Variants in UST observed in about 807,000 individuals in gnomAD.
UST encodes uronyl 2-sulfotransferase, also known as chondroitin sulfate 2-O-sulfotransferase.
UST carries 21 observed loss-of-function variants against 45.6 expected under a neutral mutation model. The ratio of observed to expected loss-of-function variants is 0.46; its 90% confidence interval spans 0.33 to 0.66. UST has a LOEUF of 0.66. Ranked by LOEUF, UST falls within the 30% of genes least tolerant of loss-of-function variation. UST has a pLI of 0.02. For missense variants in UST, 463 were observed against 512.4 expected, an observed-to-expected ratio of 0.90 and a Z score of 0.93; for synonymous variants, 215 against 200.6, an observed-to-expected ratio of 1.07 and a Z score of -0.61.
chr6:148,991,324 G>A (rs1448923599), intron 5 of UST, among the ~76,000 whole-genome samples: 2 of 152,074 alleles, frequency 1.3e-5, no homozygotes, highest in African/African-American at 2.4e-5. Flanking sequence ...AACAGTACCT[G>A]TCATGCCACC....
At chr6:148,873,496 C>T (rs976657708) in intron 1 of UST, among the ~76,000 whole-genome samples, 1 of 152,156 alleles carries the variant, frequency 6.6e-6, no homozygotes, top group African/African-American at 2.4e-5. Context: ...ATGTTGCTCC[C>T]AGAGCTGAGA....
chr6:148,781,733 G>A (rs1776647249), intron 1 of UST, among the ~76,000 whole-genome samples: 2 of 152,108 alleles, frequency 1.3e-5, no homozygotes, highest in African/African-American at 4.8e-5. Context: ...TCCTGTTAGG[G>A]GCTTATGTAG....
chr6:149,053,991 T>C (rs534297319), intron 7 of UST, among the ~76,000 whole-genome samples: 1 of 152,284 alleles, frequency 6.6e-6, no homozygotes, highest in East Asian at 1.9e-4. Context: ...CCTGCCACCA[T>C]CTGTCACCCC....
chr6:148,867,798 C>G (rs1180446614), intron 1 of UST, among the ~76,000 whole-genome samples: 2 of 152,100 alleles, frequency 1.3e-5, no homozygotes, highest in Non-Finnish European at 2.9e-5. Flanking sequence ...TTTATCAGCA[C>G]CATGAGAACA....
chr6:148,822,265 C>T (rs1777482230), intron 1 of UST, among the ~76,000 whole-genome samples: 2 of 152,172 alleles, frequency 1.3e-5, no homozygotes, highest in Admixed American at 6.5e-5. Flanking sequence ...ATTGGTATTC[C>T]AATCCTAATC....
At chr6:149,003,861 C>T (rs999402488) in intron 5 of UST, among the ~76,000 whole-genome samples, 53 of 152,180 alleles carry the variant, frequency 3.5e-4, no homozygotes, top group Non-Finnish European at 2.6e-4. Context: ...TTCCTGAGGG[C>T]CAGGCTGGCG....
At chr6:148,914,772 G>A (rs1035869774) in intron 2 of UST, among the ~76,000 whole-genome samples, 9 of 152,094 alleles carry the variant, frequency 5.9e-5, no homozygotes, top group Non-Finnish European at 1.3e-4. Context: ...TAGCCCAGGG[G>A]TGGGGGATCC....
Position 148,826,432 on chromosome 6 carries a change from GT to G in UST, c.248-60543del, listed in dbSNP as rs11372887. Among the ~76,000 whole-genome samples, 150 of 148,884 alleles carry G rather than the reference GT, an allele frequency of 1.0e-3. 1 individual carries two copies. The South Asian group carries it at 0.014, about 14-fold the overall frequency. ...CCAGGCTCCTGTTTTTATTCATCAT[GT>G]TTTTTTTTTTAAATGAATTAACTAC... On this transcript the variant is annotated intron_variant, in intron 1 of 7. Coordinates refer to ENST00000367463, the MANE Select transcript of UST (RefSeq NM_005715.3).
At chr6:148,901,011 A>T (rs996920843) in intron 2 of UST, among the ~76,000 whole-genome samples, 1 of 152,188 alleles carries the variant, frequency 6.6e-6, no homozygotes, top group African/African-American at 2.4e-5. Context: ...TTGTGATTAC[A>T]TTGGACTCAC....
chr6:148,815,680 C>CA (rs1405091236), intron 1 of UST, among the ~76,000 whole-genome samples: 8 of 151,896 alleles, frequency 5.3e-5, no homozygotes, highest in Non-Finnish European at 1.2e-4. Flanking sequence ...AAAACAAAAA[C>CA]AAAAAAAGAG....
intron 7 of UST, among the ~76,000 whole-genome samples, chr6:149,030,451 G>A (rs759365220): frequency 3.6e-4 from 53 of 147,676 alleles, no homozygotes; most frequent in Non-Finnish European, 6.4e-4. Context: ...AGACCAGCCT[G>A]AGCAACAGCA....
At chr6:148,879,762 C>T (rs1778788396) in intron 1 of UST, among the ~76,000 whole-genome samples, 1 of 152,266 alleles carries the variant, frequency 6.6e-6, no homozygotes, top group East Asian at 1.9e-4. Context: ...AAATTATTCT[C>T]ATGCATTCCT....
At chr6:148,926,414 G>A (rs1321318443) in intron 2 of UST, among the ~76,000 whole-genome samples, 1 of 152,254 alleles carries the variant, frequency 6.6e-6, no homozygotes, top group African/African-American at 2.4e-5. Flanking sequence ...CACAAGTGGA[G>A]AGCCCTTTTT....
intron 1 of UST, among the ~76,000 whole-genome samples, chr6:148,878,748 T>A (rs1319445650): frequency 7.6e-6 from 1 of 130,794 alleles, no homozygotes; most frequent in Non-Finnish European, 1.6e-5. Flanking sequence ...GAGTCGGGGG[T>A]TCAGGTATGA....
chr6:148,967,165 G>A (rs1780820829), intron 5 of UST, among the ~76,000 whole-genome samples: 1 of 152,174 alleles, frequency 6.6e-6, no homozygotes, highest in African/African-American at 2.4e-5. Flanking sequence ...AGATTTCCCT[G>A]CCTGGAATTC....
intron 7 of UST, among the ~76,000 whole-genome samples, chr6:149,028,969 C>T (rs572522403): frequency 3.3e-5 from 5 of 152,252 alleles, no homozygotes; most frequent in Admixed American, 1.3e-4. Flanking sequence ...TGCAGAATTA[C>T]GTACTTCAGA....
intron 2 of UST, among the ~76,000 whole-genome samples, chr6:148,916,292 A>C (rs1422061828): frequency 6.6e-6 from 1 of 152,220 alleles, no homozygotes; most frequent in East Asian, 1.9e-4. Flanking sequence ...TGCTGCAGGT[A>C]AGAGCTAGAA....
intron 5 of UST, among the ~76,000 whole-genome samples, chr6:149,000,290 G>T (rs1300316715): frequency 6.6e-6 from 1 of 152,212 alleles, no homozygotes; most frequent in Non-Finnish European, 1.5e-5. Context: ...CAAGTAAGAA[G>T]TGAACCAAAC....
At chr6:148,771,790 G>A (rs1455936038) in intron 1 of UST, among the ~76,000 whole-genome samples, 1 of 152,186 alleles carries the variant, frequency 6.6e-6, no homozygotes, top group Non-Finnish European at 1.5e-5. Flanking sequence ...AAATGAGAGA[G>A]TTTTTGCAGG....
Sources: allele counts gnomAD v4.1 joint callset (sites outside exome capture counted in the v4.1 genomes callset), GRCh38; gene constraint gnomAD v4.1.1; transcripts MANE v1.5; gene names NCBI Gene and HGNC (gene_info 2026-07-23, HGNC 2026-07-21).